R3HDM1: variants seen among roughly 807,000 people sequenced by gnomAD.
R3HDM1 encodes R3H domain containing 1, also known as R3H domain-containing protein 1.
Under a neutral mutation model 141.1 loss-of-function variants are expected in R3HDM1, and 46 were observed. That is an observed-to-expected ratio of 0.33 (90% CI 0.26 to 0.42). The LOEUF (loss-of-function observed/expected upper bound fraction) is 0.42, where lower values mean the gene tolerates loss of function less well. Ranked by LOEUF, R3HDM1 falls within the 10% of genes least tolerant of loss-of-function variation. The probability of loss-of-function intolerance (pLI) is 1.00; values close to 1 mark genes in which losing one functional copy is unlikely to be tolerated. For synonymous variants in R3HDM1, 435 were observed against 472.9 expected (o/e 0.92, Z 1.04); for missense variants, 1,184 against 1,368.3 (o/e 0.87, Z 2.12).
In R3HDM1 at chr2:135,575,391, A is replaced by G. The variant is rs184199068; in HGVS notation, c.-249-27109A>G. Among the ~76,000 whole-genome samples the G allele has an allele frequency of 7.0e-4, 107 of 152,284 alleles. 1 individual carries two copies. The East Asian group carries it at 0.017, about 24-fold the overall frequency. On this transcript the variant is annotated intron_variant, in intron 1 of 26. Coordinates refer to ENST00000683871, the MANE Select transcript of R3HDM1 (RefSeq NM_001378107.1). ...GAGACAGGGTTTCACCATGTTGGCC[A>G]GGCTGGTCTCGAACTCCTGACCTCA...
intron 1 of R3HDM1, among the ~76,000 whole-genome samples, chr2:135,549,250 G>A (rs927762412): frequency 3.9e-5 from 6 of 151,932 alleles, no homozygotes; most frequent in Non-Finnish European, 7.4e-5. Context: ...GTTTTGGTTT[G>A]TTTTTTAAAA....
chr2:135,718,744 A>C (rs1240568669), intron 24 of R3HDM1, among the ~76,000 whole-genome samples: 1 of 152,160 alleles, frequency 6.6e-6, no homozygotes, highest in African/African-American at 2.4e-5. Flanking sequence ...GGCCTCCCAA[A>C]GTGCTGCGAT....
At position 135,661,367 on chromosome 2, in the gene R3HDM1, C is replaced by T; in HGVS notation, c.2126C>T (p.Pro709Leu). 1 of 1,614,046 alleles carries T rather than the reference C, an allele frequency of 6.2e-7. No individual in the cohort carries two copies. The highest frequency in any genetic ancestry group is 8.5e-7 in the Non-Finnish European group (1 of 1,179,914). ...CATTACAATTCACATCTAAACCAAC[C>T]ACTGCCACAACCTGCGCAGCAGACA... ...SVHYNSHLNQ[P>L]LPQPAQQTGY... is the part of the protein sequence containing the mutation. Residue 709 changes from proline to leucine, a missense_variant, in exon 19 of 27, where the codon CCA becomes CTA. Pro to Leu is a moderately conservative substitution (Grantham distance 98). Transcript: ENST00000683871.
At chr2:135,594,735 T>C (rs1202386446) in intron 1 of R3HDM1, among the ~76,000 whole-genome samples, 3 of 133,480 alleles carry the variant, frequency 2.2e-5, no homozygotes, top group Non-Finnish European at 4.5e-5. Context: ...TACTTCTGAT[T>C]ACATTTTCTC....
intron 15 of R3HDM1, 106 bp from the exon 16 acceptor site, chr2:135,645,273 A>C: frequency 1.0e-6 from 1 of 969,478 alleles, no homozygotes; most frequent in Non-Finnish European, 1.5e-6. Flanking sequence ...GTTTTTTTTT[A>C]ATTGTGGTTA....
At chr2:135,542,773 CTG>C (rs1376279111) in intron 1 of R3HDM1, among the ~76,000 whole-genome samples, 1 of 152,222 alleles carries the variant, frequency 6.6e-6, no homozygotes, top group African/African-American at 2.4e-5. Context: ...GCGTCTCACT[CTG>C]TAGCCCAGGC....
chr2:135,567,903 CTTTTTTTTTTTTT>C (rs562748072), intron 1 of R3HDM1, among the ~76,000 whole-genome samples: 1 of 73,822 alleles, frequency 1.4e-5, no homozygotes, highest in East Asian at 3.6e-4. Context: ...CCACACCTGG[CTTTTTTTTTTTTT>C]TTTTTTTTTT....
At position 135,650,007 on chromosome 2, in the gene R3HDM1, C is replaced by CTA. The variant is rs1270989806; in HGVS notation, c.1725+8_1725+9dup. The CTA allele has an allele frequency of 7.9e-7, 1 of 1,258,784 alleles. No individual in the cohort carries two copies. The highest frequency in any genetic ancestry group is 1.6e-5 in the African/African-American group (1 of 64,510). The allele number at this position is 1,258,784 out of a possible 1,614,324, so 78.0% of individuals were successfully genotyped here. ...ACCCACCCAGCAATACTCTGTGGTA[C>CTA]TATATCTCTATTCACCTCCTGCGTT... On this transcript the variant is annotated splice_donor_region_variant and intron_variant, in intron 17 of 26. Coordinates refer to ENST00000683871, the MANE Select transcript of R3HDM1 (RefSeq NM_001378107.1).
chr2:135,649,718 G>T (rs953460263), intron 16 of R3HDM1, among the ~76,000 whole-genome samples, 184 bp from the exon 17 acceptor site: 11 of 152,112 alleles, frequency 7.2e-5, no homozygotes, highest in African/African-American at 2.7e-4. Flanking sequence ...GTTTTTGAAA[G>T]TTTTACTGTA....
chr2:135,701,288 A>G (rs1356867569), intron 21 of R3HDM1, among the ~76,000 whole-genome samples: 1 of 151,788 alleles, frequency 6.6e-6, no homozygotes, highest in Non-Finnish European at 1.5e-5. Flanking sequence ...CTGTAGTCCT[A>G]GCTACTTGGG....
intron 21 of R3HDM1, among the ~76,000 whole-genome samples, chr2:135,699,044 TA>T (rs371803921): frequency 0.11 from 10,689 of 99,774 alleles, 693 homozygotes; most frequent in African/African-American, 0.14. Flanking sequence ...GATAGATAGA[TA>T]AGATAGATAA....
intron 14 of R3HDM1, among the ~76,000 whole-genome samples, chr2:135,640,716 A>T (rs2105245352): frequency 6.6e-6 from 1 of 152,310 alleles, no homozygotes; most frequent in Admixed American, 6.5e-5. Flanking sequence ...CAATTCTCTT[A>T]TTCAAAACCT....
rs1327555893 is a variant in R3HDM1, at chr2:135,666,894, T to C, written c.2152+5501T>C. Among the ~76,000 whole-genome samples the C allele has an allele frequency of 2.7e-5, 4 of 149,380 alleles. No individual in the cohort carries two copies. In the East Asian group the frequency reaches 5.9e-4, roughly 22 times the overall value. ...TTGTAGATGCCTAGTTACAAATAAATTTGGCTTTAGTAAAATGGCTCATCT... is the reference window on the plus strand; with the variant it reads ...TTGTAGATGCCTAGTTACAAATAAACTTGGCTTTAGTAAAATGGCTCATCT... On this transcript the variant is annotated intron_variant, in intron 19 of 26. Coordinates refer to ENST00000683871, the MANE Select transcript of R3HDM1 (RefSeq NM_001378107.1).
intron 1 of R3HDM1, chr2:135,561,264 G>A: frequency 1.0e-6 from 1 of 982,956 alleles, no homozygotes; most frequent in Non-Finnish European, 1.2e-6. Context: ...TTTTTAGTGA[G>A]CCAAAGTCCT....
At chr2:135,586,821 T>C in intron 1 of R3HDM1, 1 of 985,400 alleles carries the variant, frequency 1.0e-6, no homozygotes, top group African/African-American at 1.7e-5. Context: ...TATTTGTGTA[T>C]AGCACAGCAA....
At chr2:135,704,118 T>C (rs2074581306) in intron 21 of R3HDM1, among the ~76,000 whole-genome samples, 1 of 152,146 alleles carries the variant, frequency 6.6e-6, no homozygotes, top group South Asian at 2.1e-4. Context: ...ATAACTGGGA[T>C]TACAGGCACC....
chr2:135,712,549 G>A (rs1045187272), intron 23 of R3HDM1, among the ~76,000 whole-genome samples: 1 of 151,108 alleles, frequency 6.6e-6, no homozygotes, highest in African/African-American at 2.4e-5. Flanking sequence ...TGGGATCATA[G>A]GCTTGAGCCG....
In R3HDM1 at chr2:135,618,650, G is replaced by T. The variant is rs111392095; in HGVS notation, c.303+1893G>T. Among the ~76,000 whole-genome samples, 194 of 152,024 alleles carry T rather than the reference G, an allele frequency of 1.3e-3. 2 individuals are homozygous for T. Among genetic ancestry groups the T allele is most frequent in the African/African-American group, 4.3e-3 (177 of 41,484 alleles). ...ATTAACCTTTGGCTTTTGCATGATTGTAATAAAGCTGAAGAGCTATATAAT... is the reference window on the plus strand; with the variant it reads ...ATTAACCTTTGGCTTTTGCATGATTTTAATAAAGCTGAAGAGCTATATAAT... On this transcript the variant is annotated intron_variant, in intron 5 of 26. Coordinates refer to ENST00000683871, the MANE Select transcript of R3HDM1 (RefSeq NM_001378107.1).
At chr2:135,550,575 G>C (rs1328289015) in intron 1 of R3HDM1, among the ~76,000 whole-genome samples, 1 of 152,172 alleles carries the variant, frequency 6.6e-6, no homozygotes, top group African/African-American at 2.4e-5. Context: ...CCTACGATAA[G>C]GGGTAATTGG....
Sources: allele counts gnomAD v4.1 joint callset (sites outside exome capture counted in the v4.1 genomes callset), GRCh38; gene constraint gnomAD v4.1.1; transcripts MANE v1.5; gene names NCBI Gene and HGNC (gene_info 2026-07-23, HGNC 2026-07-21).